PDE7B: variants seen among roughly 807,000 people sequenced by gnomAD.
PDE7B encodes 3',5'-cyclic-AMP phosphodiesterase 7B.
In PDE7B, 29 loss-of-function variants were observed where a neutral mutation model predicts 56.2. The observed-to-expected ratio is 0.52, with a 90% CI of 0.38 to 0.70. PDE7B has a LOEUF of 0.70. PDE7B is among the 30% of genes least tolerant of loss of function. The probability of loss-of-function intolerance (pLI) is 0.00; values close to 1 mark genes in which losing one functional copy is unlikely to be tolerated. For missense variants in PDE7B, 490 were observed against 565.0 expected (o/e 0.87, Z 1.35); for synonymous variants, 197 against 196.9 (o/e 1.00, Z 0.00).
chr6:136,090,492 A>G (rs1320496132), intron 2 of PDE7B, among the ~76,000 whole-genome samples: 1 of 152,224 alleles, frequency 6.6e-6, no homozygotes, highest in Non-Finnish European at 1.5e-5. Context: ...TCCCTGTAGT[A>G]AATAATATGA....
chr6:135,939,651 T>A (rs1348396490), intron 1 of PDE7B, among the ~76,000 whole-genome samples: 1 of 152,152 alleles, frequency 6.6e-6, no homozygotes, highest in Non-Finnish European at 1.5e-5. Context: ...CCTGGGCCAC[T>A]GTCACGTAGG....
At chr6:136,046,865 A>G (rs566814705) in intron 2 of PDE7B, among the ~76,000 whole-genome samples, 105 of 152,256 alleles carry the variant, frequency 6.9e-4, no homozygotes, top group African/African-American at 2.5e-3. Context: ...CACAAAACAA[A>G]ACCCGAAAAC....
At chr6:136,146,269 G>T (rs552347251) in intron 3 of PDE7B, among the ~76,000 whole-genome samples, 1 of 152,330 alleles carries the variant, frequency 6.6e-6, no homozygotes, top group South Asian at 2.1e-4. Flanking sequence ...AAAATTGGCA[G>T]CAGACGTCAC....
chr6:136,004,599 C>A (rs1169438382), intron 2 of PDE7B, among the ~76,000 whole-genome samples: 1 of 151,346 alleles, frequency 6.6e-6, no homozygotes, highest in African/African-American at 2.4e-5. Flanking sequence ...AACTCCCATT[C>A]ACAATTGCTT....
intron 9 of PDE7B, among the ~76,000 whole-genome samples, chr6:136,176,064 G>T (rs150773150): frequency 6.6e-6 from 1 of 151,750 alleles, no homozygotes; most frequent in Non-Finnish European, 1.5e-5. Context: ...GAAATTTTTC[G>T]TATATTTGCT....
At chr6:135,888,111 T>G (rs1459873917) in intron 1 of PDE7B, among the ~76,000 whole-genome samples, 1 of 152,176 alleles carries the variant, frequency 6.6e-6, no homozygotes, top group Non-Finnish European at 1.5e-5. Context: ...CATTGAGTGC[T>G]TTTGCCTATA....
intron 2 of PDE7B, among the ~76,000 whole-genome samples, chr6:136,059,648 A>G (rs1172872032): frequency 6.6e-6 from 1 of 152,216 alleles, no homozygotes; most frequent in African/African-American, 2.4e-5. Context: ...TAATTATGCA[A>G]ACTCCAAGAA....
At chr6:136,126,198 A>C (rs1259290686) in intron 3 of PDE7B, among the ~76,000 whole-genome samples, 1 of 152,198 alleles carries the variant, frequency 6.6e-6, no homozygotes, top group Non-Finnish European at 1.5e-5. Context: ...CAACTATCAT[A>C]AGCAGTCTTG....
chr6:136,046,588 G>C (rs1776512617), intron 2 of PDE7B, among the ~76,000 whole-genome samples: 1 of 152,176 alleles, frequency 6.6e-6, no homozygotes, highest in Non-Finnish European at 1.5e-5. Context: ...AGAAGCAAAT[G>C]TATGTTCATG....
chr6:136,008,859 T>C (rs1775836765), intron 2 of PDE7B, among the ~76,000 whole-genome samples: 2 of 152,206 alleles, frequency 1.3e-5, no homozygotes, highest in South Asian at 4.1e-4. Context: ...TTTGTCAATT[T>C]TGGCTTTTGT....
At chr6:135,883,509 A>T (rs1342824666) in intron 1 of PDE7B, among the ~76,000 whole-genome samples, 2 of 152,224 alleles carry the variant, frequency 1.3e-5, no homozygotes, top group Admixed American at 6.5e-5. Flanking sequence ...GCAAAATCCG[A>T]TGATGTTTAT....
intron 1 of PDE7B, among the ~76,000 whole-genome samples, 190 bp downstream of exon 1, chr6:135,852,209 C>T (rs1449080256): frequency 2.0e-5 from 3 of 151,824 alleles, no homozygotes; most frequent in South Asian, 2.1e-4. Flanking sequence ...TATCACTTAC[C>T]CTGAATTAAC....
At chr6:135,934,811 T>TAAATAA (rs1562444948) in intron 1 of PDE7B, among the ~76,000 whole-genome samples, 1 of 108,028 alleles carries the variant, frequency 9.3e-6, no homozygotes, top group African/African-American at 4.1e-5. Context: ...ATATATTTAT[T>TAAATAA]ATATATATAT....
intron 2 of PDE7B, among the ~76,000 whole-genome samples, chr6:135,986,229 T>C (rs1197704669): frequency 6.6e-6 from 1 of 152,236 alleles, no homozygotes; most frequent in Non-Finnish European, 1.5e-5. Flanking sequence ...CAAAACATCT[T>C]TGAAATGAGA....
chr6:135,954,645 T>TATTCTTGGGC (rs762095410), intron 2 of PDE7B, among the ~76,000 whole-genome samples: 9 of 152,178 alleles, frequency 5.9e-5, no homozygotes, highest in Middle Eastern at 3.2e-3. Flanking sequence ...CCACAGAGTA[T>TATTCTTGGGC]ATTCTTGGGC....
chr6:136,184,006 C>G (rs1437622684), intron 11 of PDE7B, among the ~76,000 whole-genome samples: 2 of 152,178 alleles, frequency 1.3e-5, no homozygotes, highest in Non-Finnish European at 2.9e-5. Context: ...AGACTTTGTC[C>G]TCTTGTAACT....
At chr6:136,181,703 G>C (rs571016847) in intron 11 of PDE7B, among the ~76,000 whole-genome samples, 1 of 151,744 alleles carries the variant, frequency 6.6e-6, no homozygotes, top group African/African-American at 2.4e-5. Flanking sequence ...TGAGGTCAAT[G>C]TTTTCCACTC....
chr6:136,164,229 T>C (rs1323488911), intron 8 of PDE7B, among the ~76,000 whole-genome samples: 1 of 152,174 alleles, frequency 6.6e-6, no homozygotes, highest in Non-Finnish European at 1.5e-5. Context: ...CTTCACATGG[T>C]GGCAGGAAGG....
At chr6:136,150,376 G>C (rs564695684) in intron 5 of PDE7B, among the ~76,000 whole-genome samples, 1 of 152,232 alleles carries the variant, frequency 6.6e-6, no homozygotes, top group East Asian at 1.9e-4. Flanking sequence ...ATTTAGTGTT[G>C]ATTTTTGTAT....
Sources: allele counts gnomAD v4.1 joint callset (sites outside exome capture counted in the v4.1 genomes callset), GRCh38; gene constraint gnomAD v4.1.1; transcripts MANE v1.5; gene names NCBI Gene and HGNC (gene_info 2026-07-23, HGNC 2026-07-21).